Variants in PDE10A observed in about 807,000 individuals in gnomAD.
The protein encoded by PDE10A is phosphodiesterase 10A, also known as cAMP and cAMP-inhibited cGMP 3',5'-cyclic phosphodiesterase 10A.
Under a neutral mutation model 97.7 loss-of-function variants are expected in PDE10A, and 39 were observed. The observed-to-expected ratio is 0.40, with a 90% confidence interval of 0.31 to 0.52. The LOEUF (loss-of-function observed/expected upper bound fraction) is 0.52, where lower values mean the gene tolerates loss of function less well. Among genes scored for constraint, PDE10A ranks in the 20% least tolerant of loss-of-function variants. The pLI is 0.56. For synonymous variants in PDE10A, 371 were observed against 376.8 expected, an observed-to-expected ratio of 0.98 and a Z score of 0.18; for missense variants, 731 against 1,047.8, an observed-to-expected ratio of 0.70 and a Z score of 4.17.
At chr6:165,457,148 A>G (rs1778001194) in intron 3 of PDE10A, among the ~76,000 whole-genome samples, 1 of 152,190 alleles carries the variant, frequency 6.6e-6, no homozygotes, top group Non-Finnish European at 1.5e-5. Context: ...ATTTAACTGA[A>G]TAAACATGAA....
At chr6:165,787,387 C>T (rs1778525400) in intron 1 of PDE10A, among the ~76,000 whole-genome samples, 1 of 152,202 alleles carries the variant, frequency 6.6e-6, no homozygotes, top group Non-Finnish European at 1.5e-5. Flanking sequence ...AGGGCCCGTC[C>T]TGGTGCTCTG....
chr6:165,845,340 T>C (rs192811607), intron 1 of PDE10A, among the ~76,000 whole-genome samples: 27 of 152,214 alleles, frequency 1.8e-4, no homozygotes, highest in Non-Finnish European at 3.8e-4. Context: ...TCTAACTGAA[T>C]AGAAAGGAAA....
chr6:165,914,037 T>C (rs367789811), intron 1 of PDE10A, among the ~76,000 whole-genome samples: 2 of 152,368 alleles, frequency 1.3e-5, no homozygotes, highest in African/African-American at 4.8e-5. Context: ...TCACCAATTA[T>C]TTGTCTCCAA....
At chr6:165,767,672 T>C (rs1461425056) in intron 1 of PDE10A, among the ~76,000 whole-genome samples, 3 of 152,372 alleles carry the variant, frequency 2.0e-5, no homozygotes, top group Middle Eastern at 3.4e-3. Context: ...ATATTTTGTT[T>C]ATCTACTCAT....
In PDE10A at chr6:165,715,782, C is replaced by T. The variant is rs749688027; in HGVS notation, c.-614-172214G>A. Among the ~76,000 whole-genome samples, 3 of 152,208 alleles carry T rather than the reference C, an allele frequency of 2.0e-5. No individual in the cohort carries two copies. The East Asian group carries it at 5.8e-4, about 29-fold the overall frequency. ...CACTCGACAGTAGGGGGACGTCCCT[C>T]TTCCGGGCACCGTGGTCAGAAGGCA... On this transcript the variant is annotated intron_variant, in intron 1 of 19. Transcript: ENST00000366882.
intron 1 of PDE10A, among the ~76,000 whole-genome samples, chr6:165,833,413 A>G (rs1209558756): frequency 1.3e-5 from 2 of 152,250 alleles, no homozygotes; most frequent in Non-Finnish European, 2.9e-5. Flanking sequence ...GGAAATACAG[A>G]GAGGACGCAG....
chr6:165,580,513 G>A (rs193069418), intron 1 of PDE10A, among the ~76,000 whole-genome samples: 4 of 152,300 alleles, frequency 2.6e-5, no homozygotes, highest in Admixed American at 2.0e-4. Flanking sequence ...CTGAAACATC[G>A]ATCAGCCGTT....
At chr6:165,930,625 C>A (rs369095037) in intron 1 of PDE10A, among the ~76,000 whole-genome samples, 1 of 152,230 alleles carries the variant, frequency 6.6e-6, no homozygotes, top group Non-Finnish European at 1.5e-5. Context: ...AAGCCCATGC[C>A]GTGCACGCCT....
intron 1 of PDE10A, among the ~76,000 whole-genome samples, chr6:165,891,035 T>A (rs772266418): frequency 6.6e-6 from 1 of 152,174 alleles, no homozygotes; most frequent in African/African-American, 2.4e-5. Context: ...TGAAAGATCT[T>A]GAACATTTTG....
chr6:165,985,768 C>G (rs533634526), intron 1 of PDE10A, among the ~76,000 whole-genome samples: 1 of 152,280 alleles, frequency 6.6e-6, no homozygotes, highest in South Asian at 2.1e-4. Context: ...ATGCACATGA[C>G]AGCCAGGCAG....
At chr6:165,911,316 A>G (rs1782447040) in intron 1 of PDE10A, among the ~76,000 whole-genome samples, 2 of 152,234 alleles carry the variant, frequency 1.3e-5, no homozygotes, top group Non-Finnish European at 2.9e-5. Flanking sequence ...TAGTTCCCCA[A>G]AGGGCAGCAT....
At position 165,330,313 on chromosome 6, in the gene PDE10A, C is replaced by G. The variant is rs1233789580; in HGVS notation, c.*2712G>C. ...CCATCTCTTGGCTTCTGGTGTCACACTGTTCTTTTAAGAAAAGATCTGGGA... is the reference window on the plus strand; with the variant it reads ...CCATCTCTTGGCTTCTGGTGTCACAGTGTTCTTTTAAGAAAAGATCTGGGA... On this transcript the variant is annotated 3_prime_UTR_variant, in exon 22 of 22. Coordinates refer to ENST00000539869, the MANE Select transcript of PDE10A (RefSeq NM_001385079.1). The G allele has an allele frequency of 1.3e-5, 2 of 152,172 alleles. No individual in the cohort carries two copies. The highest frequency in any genetic ancestry group is 4.8e-5 in the African/African-American group (2 of 41,452). 9.4% of individuals were successfully genotyped at this position (152,172 alleles called of 1,614,324 possible).
At chr6:165,387,295 C>T (rs576639585) in intron 17 of PDE10A, among the ~76,000 whole-genome samples, 30 of 152,276 alleles carry the variant, frequency 2.0e-4, no homozygotes, top group African/African-American at 3.1e-4. Context: ...TCATCATTTA[C>T]CTTCGTAGGC....
At chr6:165,937,211 G>A (rs1783361957) in intron 1 of PDE10A, among the ~76,000 whole-genome samples, 1 of 152,142 alleles carries the variant, frequency 6.6e-6, no homozygotes, top group South Asian at 2.1e-4. Context: ...ACGTGCCATT[G>A]CCACTTGTCT....
At chr6:165,424,385 T>C (rs1392252961) in intron 10 of PDE10A, among the ~76,000 whole-genome samples, 4 of 152,070 alleles carry the variant, frequency 2.6e-5, no homozygotes, top group Non-Finnish European at 5.9e-5. Context: ...CTATGTATTA[T>C]AGGAATATAA....
At chr6:165,704,902 T>C (rs1791669243) in intron 1 of PDE10A, among the ~76,000 whole-genome samples, 1 of 152,328 alleles carries the variant, frequency 6.6e-6, no homozygotes, top group Middle Eastern at 3.4e-3. Flanking sequence ...CATTACGGTG[T>C]CTACCAGGGC....
intron 1 of PDE10A, among the ~76,000 whole-genome samples, chr6:165,681,424 G>GTGTGTC (rs1281703953): frequency 9.9e-4 from 147 of 149,188 alleles, no homozygotes; most frequent in African/African-American, 2.9e-3. Context: ...GTGTGTGTGT[G>GTGTGTC]TGTGTCTGTG....
intron 1 of PDE10A, among the ~76,000 whole-genome samples, chr6:165,632,187 G>A (rs978809668): frequency 1.1e-4 from 14 of 129,280 alleles, no homozygotes; most frequent in Non-Finnish European, 1.6e-4. Context: ...GTGATAAGAG[G>A]GAGAGTCCAT....
At chr6:165,455,044 C>T (rs537468478) in intron 3 of PDE10A, among the ~76,000 whole-genome samples, 5 of 152,092 alleles carry the variant, frequency 3.3e-5, no homozygotes, top group East Asian at 1.9e-4. Context: ...CCAAAGAGGT[C>T]GGCAGCCATT....
Sources: allele counts gnomAD v4.1 joint callset (sites outside exome capture counted in the v4.1 genomes callset), GRCh38; gene constraint gnomAD v4.1.1; transcripts MANE v1.5; gene names NCBI Gene and HGNC (gene_info 2026-07-23, HGNC 2026-07-21).